Variants in SOX5 observed in about 807,000 individuals in gnomAD.
The protein encoded by SOX5 is SRY-box transcription factor 5.
Under a neutral mutation model 92.0 loss-of-function variants are expected in SOX5, and 9 were observed. That is an observed-to-expected ratio of 0.10 (90% CI 0.06 to 0.17). SOX5 has a LOEUF of 0.17. SOX5 is among the 10% of genes least tolerant of loss of function. The probability of loss-of-function intolerance (pLI) is 1.00; values close to 1 mark genes in which losing one functional copy is unlikely to be tolerated. For synonymous variants in SOX5, 344 were observed against 336.3 expected, an observed-to-expected ratio of 1.02 and a Z score of -0.25; for missense variants, 642 against 944.5, an observed-to-expected ratio of 0.68 and a Z score of 4.20.
chr12:23,858,126 GT>G (rs1316684375), intron 2 of SOX5, among the ~76,000 whole-genome samples: 7 of 150,880 alleles, frequency 4.6e-5, no homozygotes, highest in African/African-American at 9.7e-5. Flanking sequence ...GCACTTTGTT[GT>G]TTTTTTGTTT....
At chr12:24,100,112 G>C (rs1800813041) in intron 4 of SOX5, among the ~76,000 whole-genome samples, 1 of 151,998 alleles carries the variant, frequency 6.6e-6, no homozygotes, top group South Asian at 2.1e-4. Context: ...CCCCTTTCCT[G>C]CATCTACAAT....
chr12:24,100,912 G>A (rs552603193), intron 4 of SOX5, among the ~76,000 whole-genome samples: 11 of 151,980 alleles, frequency 7.2e-5, no homozygotes, highest in South Asian at 2.1e-4. Context: ...AAGTCATGTC[G>A]GTTTTACCCT....
intron 1 of SOX5, among the ~76,000 whole-genome samples, chr12:24,517,443 G>C (rs1052151617): frequency 6.6e-6 from 1 of 152,112 alleles, no homozygotes; most frequent in Non-Finnish European, 1.5e-5. Context: ...GGGTCATGGG[G>C]GCAGGAAAGG....
At chr12:24,287,515 C>T (rs1198094008) in intron 2 of SOX5, among the ~76,000 whole-genome samples, 3 of 151,216 alleles carry the variant, frequency 2.0e-5, no homozygotes, top group African/African-American at 4.9e-5. Context: ...CTACTCAGCC[C>T]ATGGCAACCC....
At chr12:23,679,310 G>C (rs917725129) in intron 6 of SOX5, among the ~76,000 whole-genome samples, 3 of 152,086 alleles carry the variant, frequency 2.0e-5, no homozygotes. Flanking sequence ...TGAAAGATTA[G>C]TTTAAAAAGA....
chr12:23,906,245 T>C (rs1191848145), intron 1 of SOX5, among the ~76,000 whole-genome samples: 1 of 152,242 alleles, frequency 6.6e-6, no homozygotes, highest in East Asian at 1.9e-4. Flanking sequence ...TTTGTTCCAT[T>C]TATCTATAAA....
intron 4 of SOX5, among the ~76,000 whole-genome samples, chr12:23,747,819 C>T (rs562275814): frequency 6.6e-6 from 1 of 152,070 alleles, no homozygotes; most frequent in South Asian, 2.1e-4. Context: ...AAATGACTGG[C>T]TTTTTTCTTT....
chr12:23,696,755 T>A (rs999082387), intron 6 of SOX5, among the ~76,000 whole-genome samples: 1 of 152,174 alleles, frequency 6.6e-6, no homozygotes, highest in African/African-American at 2.4e-5. Context: ...AATACTGCTT[T>A]AGTTCCGTAT....
At position 23,922,519 on chromosome 12, in the gene SOX5, T is replaced by C. The variant is rs189654245; in HGVS notation, c.39-26495A>G. ...AAATCCACCTGCATTCATGGGTCAC[T>C]TGTGTCTTACAAATATTACTCTCTG... On this transcript the variant is annotated intron_variant, in intron 1 of 14. Coordinates refer to ENST00000451604, the MANE Select transcript of SOX5 (RefSeq NM_006940.6). Among the ~76,000 whole-genome samples, 18 of 152,340 alleles carry C rather than the reference T, an allele frequency of 1.2e-4. No homozygotes were observed. The East Asian group carries it at 3.5e-3, about 29-fold the overall frequency.
rs149982948 is a variant in SOX5 at position 23,530,840 on chromosome 12, T to TGAGA, written c.*3375_*3378dup. The stretch of plus-strand genomic sequence containing the variant: ...GTGTGCGCGCGCGCGCGCGCGCATG[T>TGAGA]GAGAGAGAGAGAGAAAGGGAAAGAG... On this transcript the variant is annotated 3_prime_UTR_variant, in exon 15 of 15. Transcript: ENST00000451604. The TGAGA allele has an allele frequency of 1.7e-5, 2 of 116,694 alleles. No homozygotes were observed. The highest frequency in any genetic ancestry group is 6.5e-5 in the African/African-American group (2 of 30,718). 7.2% of individuals were successfully genotyped at this position (116,694 alleles called of 1,614,324 possible).
At chr12:24,376,430 G>A (rs1957265728) in intron 1 of SOX5, among the ~76,000 whole-genome samples, 1 of 152,106 alleles carries the variant, frequency 6.6e-6, no homozygotes, top group Non-Finnish European at 1.5e-5. Context: ...TCTATCTTAA[G>A]TAGATGATAA....
chr12:24,059,600 T>C (rs903758835), intron 4 of SOX5, among the ~76,000 whole-genome samples: 22 of 152,126 alleles, frequency 1.4e-4, no homozygotes, highest in African/African-American at 5.3e-4. Context: ...GTGTGTGTGA[T>C]GGGGAATGGC....
At chr12:24,100,563 C>T (rs559923224) in intron 4 of SOX5, among the ~76,000 whole-genome samples, 1 of 152,122 alleles carries the variant, frequency 6.6e-6, no homozygotes, top group Non-Finnish European at 1.5e-5. Flanking sequence ...TTAATCTACA[C>T]TCAGTTCAGG....
chr12:24,391,990 T>A (rs986035308), intron 1 of SOX5, among the ~76,000 whole-genome samples: 5 of 152,024 alleles, frequency 3.3e-5, no homozygotes, highest in African/African-American at 1.2e-4. Context: ...TCCCAATGAG[T>A]ATGACTTAAT....
intron 4 of SOX5, among the ~76,000 whole-genome samples, chr12:24,083,353 A>G (rs1227732451): frequency 6.6e-6 from 1 of 152,076 alleles, no homozygotes. Context: ...TAAAACATGT[A>G]CTGAGCACCA....
At chr12:23,796,690 G>T (rs564976631) in intron 3 of SOX5, among the ~76,000 whole-genome samples, 1 of 151,360 alleles carries the variant, frequency 6.6e-6, no homozygotes, top group East Asian at 1.9e-4. Context: ...AAATTATAGG[G>T]TTTTACAATT....
intron 4 of SOX5, among the ~76,000 whole-genome samples, chr12:24,112,330 G>A (rs1947452971): frequency 6.6e-6 from 1 of 152,070 alleles, no homozygotes; most frequent in African/African-American, 2.4e-5. Context: ...TATGTACTAT[G>A]TATAGCTACA....
At chr12:24,153,090 T>C (rs1951823091) in intron 4 of SOX5, among the ~76,000 whole-genome samples, 1 of 152,094 alleles carries the variant, frequency 6.6e-6, no homozygotes, top group African/African-American at 2.4e-5. Flanking sequence ...TGATGCTTGC[T>C]CCAAGCAGCA....
At chr12:23,950,228 T>C (rs541791681), upstream of SOX5, among the ~76,000 whole-genome samples, 8 of 151,696 alleles carry the variant, frequency 5.3e-5, no homozygotes, top group Admixed American at 5.3e-4. Context: ...CTCACCCTTT[T>C]CTAGGCTCTC....
Sources: gnomAD v4.1 joint callset for allele counts (sites outside exome capture counted in the v4.1 genomes callset) on GRCh38, gnomAD v4.1.1 for gene constraint, MANE v1.5 for transcripts, NCBI Gene and HGNC (gene_info 2026-07-23, HGNC 2026-07-21) for gene names.